The following WFDC3 variants were observed in gnomAD, a reference collection of about 807,000 sequenced individuals.
WFDC3 encodes WAP four-disulfide core domain 3.
WFDC3 carries 15 observed loss-of-function variants against 25.8 expected under a neutral mutation model. That is an observed-to-expected ratio of 0.58 (90% confidence interval 0.39 to 0.89). WFDC3 has a LOEUF of 0.89. Ranked by LOEUF, WFDC3 falls within the 40% of genes least tolerant of loss-of-function variation. The pLI, the probability that WFDC3 is intolerant of heterozygous loss-of-function variation, is 0.00. For missense variants in WFDC3, 264 were observed against 289.8 expected (o/e 0.91, Z 0.65); for synonymous variants, 103 against 107.1 (o/e 0.96, Z 0.24).
chr20:45,774,296 CAGG>C lies in WFDC3; in HGVS notation c.*129_*131del. On this transcript the variant is annotated 3_prime_UTR_variant, in exon 7 of 7. Transcript: ENST00000243938. ...CTATTTCCCATGCTCTGGTCAGCGGCAGGAGGAGAAGCAGAGCAGAGAGGGCCA... is the reference window on the plus strand; with the variant it reads ...CTATTTCCCATGCTCTGGTCAGCGGCAGGAGAAGCAGAGCAGAGAGGGCCA... 4 of 1,244,498 alleles carry C rather than the reference CAGG, an allele frequency of 3.2e-6. No homozygotes were observed. The highest frequency in any genetic ancestry group is 3.5e-6 in the Non-Finnish European group (3 of 848,890). 77.1% of individuals were successfully genotyped at this position (1,244,498 alleles called of 1,614,324 possible).
rs373104263 is a variant in WFDC3 at position 45,777,177 on chromosome 20, G to T, written c.391C>A (p.Leu131Ile). Reference protein sequence around the residue: ...EFGGECPADPLPCEELCDGDA... With the variant: ...EFGGECPADPIPCEELCDGDA... ...CCATCACACAGCTCCTCACACGGAAGGGGGTCAGCGGGACATTCACCACCA... is the reference window on the plus strand; with the variant it reads ...CCATCACACAGCTCCTCACACGGAATGGGGTCAGCGGGACATTCACCACCA... Residue 131 changes from leucine (L) to isoleucine (I), a missense_variant, in exon 5 of 7, where the codon CTT becomes ATT. Coordinates refer to ENST00000243938, the MANE Select transcript of WFDC3 (RefSeq NM_080614.2). 3.1e-5 allele frequency: 49 copies of T among 1,586,880 alleles called. No individual in the cohort carries two copies. Among genetic ancestry groups the T allele is most frequent in the East Asian group, 4.6e-5 (2 of 43,436 alleles).
At chr20:45,790,921 C>T (rs1042304298) in intron 1 of WFDC3, 10 of 470,900 alleles carry the variant, frequency 2.1e-5, no homozygotes, top group Non-Finnish European at 4.0e-5. Flanking sequence ...ATAGTCTGCC[C>T]ACATATACCT....
Position 45,782,375 on chromosome 20 carries a change from A to AT in WFDC3, c.359-5167dup, listed in dbSNP as rs374339603. ...TTTTTTGGGGGCTTTTTTGTTTTGG[A>AT]TTTTTTTTTTCTTTTTTTTGAGATG... On this transcript the variant is annotated intron_variant, in intron 4 of 6. Transcript: ENST00000243938. Among the ~76,000 whole-genome samples, 339 of 144,006 alleles carry AT rather than the reference A, an allele frequency of 2.4e-3. 1 individual carries two copies. Among genetic ancestry groups the AT allele is most frequent in the African/African-American group, 7.6e-3 (296 of 38,988 alleles). 94.5% of individuals were successfully genotyped at this position (144,006 alleles called of 152,430 possible).
Position 45,774,214 on chromosome 20 carries a change from C to G in WFDC3, c.*214G>C. 1 of 629,190 alleles carries G rather than the reference C, an allele frequency of 1.6e-6. No homozygotes were observed. The allele number at this position is 629,190 out of a possible 1,614,324, so 39.0% of individuals were successfully genotyped here. A position where few individuals can be genotyped will look rare whatever the true frequency, so the allele number is the denominator to read the frequency against. On this transcript the variant is annotated 3_prime_UTR_variant, in exon 7 of 7. Coordinates refer to ENST00000243938, the MANE Select transcript of WFDC3 (RefSeq NM_080614.2). ...CCCTCAAATAGCACAAACAAGAGGTCAGCACCAGCCTTTATCGGGAAAGAG... is the reference window on the plus strand; with the variant it reads ...CCCTCAAATAGCACAAACAAGAGGTGAGCACCAGCCTTTATCGGGAAAGAG...
chr20:45,775,992 G>A (rs73122725), intron 5 of WFDC3, among the ~76,000 whole-genome samples: 1,683 of 152,262 alleles, frequency 0.011, 16 homozygotes, highest in Non-Finnish European at 0.015. Context: ...AAGGTTTGAT[G>A]TCCCTGCTTT....
At chr20:45,775,976 C>G (rs1351952554) in intron 5 of WFDC3, among the ~76,000 whole-genome samples, 1 of 152,174 alleles carries the variant, frequency 6.6e-6, no homozygotes, top group South Asian at 2.1e-4. Flanking sequence ...CTCTGCCACC[C>G]TAGACAAGGT....
intron 1 of WFDC3, among the ~76,000 whole-genome samples, chr20:45,790,275 G>A (rs763075532): frequency 1.3e-5 from 2 of 152,218 alleles, no homozygotes; most frequent in African/African-American, 4.8e-5. Flanking sequence ...CTGGAAAAAT[G>A]GAGGGGTGGC....
intron 1 of WFDC3, among the ~76,000 whole-genome samples, chr20:45,790,718 C>CT (rs1361046818): frequency 6.7e-6 from 1 of 149,484 alleles, no homozygotes; most frequent in Non-Finnish European, 1.5e-5. Flanking sequence ...GAGTGAGACT[C>CT]TGTCTCAAAA....
At chr20:45,790,953 T>C (rs1980942070) in intron 1 of WFDC3, 4 of 470,150 alleles carry the variant, frequency 8.5e-6, no homozygotes, top group South Asian at 4.6e-5. Context: ...TTTTTCTCCA[T>C]TTCTTTTTTT....
At chr20:45,788,284 A>G (rs950364329) in intron 3 of WFDC3, 2 of 178,552 alleles carry the variant, frequency 1.1e-5, no homozygotes, top group African/African-American at 4.7e-5. Context: ...AGTCTGAGCA[A>G]CAAGAGCGAA....
chr20:45,782,933 G>A (rs1980513202), intron 4 of WFDC3, among the ~76,000 whole-genome samples: 1 of 152,134 alleles, frequency 6.6e-6, no homozygotes, highest in Admixed American at 6.6e-5. Flanking sequence ...CCGAAAGTCT[G>A]GGCCCTGCCT....
In WFDC3 at chr20:45,781,263, A is replaced by G. The variant is rs1027321017; in HGVS notation, c.359-4054T>C. ...GACTCCATCTCAAACACACACATAG[A>G]CACACACACACACACATCATCATGA... On this transcript the variant is annotated intron_variant, in intron 4 of 6. Transcript: ENST00000243938. Among the ~76,000 whole-genome samples, 16 of 85,774 alleles carry G rather than the reference A, an allele frequency of 1.9e-4. No individual in the cohort carries two copies. In the East Asian group the frequency reaches 2.9e-3, roughly 16 times the overall value. The allele number at this position is 85,774 out of a possible 152,430, so 56.3% of individuals were successfully genotyped here. A position where few individuals can be genotyped will look rare whatever the true frequency, so the allele number is the denominator to read the frequency against.
intron 4 of WFDC3, among the ~76,000 whole-genome samples, chr20:45,782,193 C>T (rs532147404): frequency 1.3e-5 from 2 of 152,186 alleles, no homozygotes; most frequent in African/African-American, 2.4e-5. Flanking sequence ...CAGTAAAGAA[C>T]ACCACCATCA....
intron 6 of WFDC3, 130 bp from the exon 7 acceptor site, chr20:45,774,574 C>T (rs1980047826): frequency 8.4e-7 from 1 of 1,194,590 alleles, no homozygotes; most frequent in Non-Finnish European, 1.2e-6. Context: ...CCTTGCTTCC[C>T]AGACAATCCA....
intron 4 of WFDC3, among the ~76,000 whole-genome samples, chr20:45,781,277 A>AT (rs1555813227): frequency 3.3e-5 from 5 of 152,128 alleles, no homozygotes; most frequent in Non-Finnish European, 7.4e-5. Flanking sequence ...ACACACACAC[A>AT]CATCATCATG....
intron 1 of WFDC3, chr20:45,790,899 T>C (rs1225543061): frequency 1.1e-5 from 5 of 471,040 alleles, no homozygotes; most frequent in Non-Finnish European, 2.2e-5. Context: ...GAAGTTGCTA[T>C]GTATGACTCA....
At chr20:45,785,425 C>T (rs928688718) in intron 4 of WFDC3, among the ~76,000 whole-genome samples, 2 of 147,576 alleles carry the variant, frequency 1.4e-5, no homozygotes, top group Non-Finnish European at 3.0e-5. Context: ...GCCAAGATCA[C>T]GCCACTGTAC....
intron 4 of WFDC3, among the ~76,000 whole-genome samples, chr20:45,781,447 G>A (rs1980441329): frequency 6.6e-6 from 1 of 152,202 alleles, no homozygotes; most frequent in African/African-American, 2.4e-5. Context: ...CTTACTTCCA[G>A]GTTCAGTGAT....
chr20:45,788,046 G>C, intron 3 of WFDC3, 64 bp from the exon 4 acceptor site: 18 of 1,542,600 alleles, frequency 1.2e-5, no homozygotes, highest in Non-Finnish European at 1.5e-5. Context: ...GCTCACACCT[G>C]TAATCCCAGC....
Sources: gnomAD v4.1 joint callset for allele counts (sites outside exome capture counted in the v4.1 genomes callset) on GRCh38, gnomAD v4.1.1 for gene constraint, MANE v1.5 for transcripts, NCBI Gene and HGNC (gene_info 2026-07-23, HGNC 2026-07-21) for gene names.